Variants in TTC39B observed in about 807,000 individuals in gnomAD.
TTC39B encodes the protein tetratricopeptide repeat domain 39B, also known as tetratricopeptide repeat protein 39B.
Under a neutral mutation model 96.6 loss-of-function variants are expected in TTC39B, and 92 were observed. The ratio of observed to expected loss-of-function variants is 0.95; its 90% CI spans 0.80 to 1.13. TTC39B has a LOEUF of 1.13. TTC39B is among the 50% of genes most tolerant of loss of function. The pLI, the probability that TTC39B is intolerant of heterozygous loss-of-function variation, is 0.00. For missense variants in TTC39B, 955 were observed against 809.3 expected (o/e 1.18, Z -2.18); for synonymous variants, 367 against 299.4 (o/e 1.23, Z -2.33).
In TTC39B at chr9:15,307,179, C is replaced by A. The variant is rs573536057; in HGVS notation, c.145G>T (p.Val49Phe). 469 of 1,587,764 alleles carry A rather than the reference C, an allele frequency of 3.0e-4. 2 individuals are homozygous for A. In the East Asian group the frequency reaches 4.8e-3, roughly 16 times the overall value. The change falls in exon 1 of 20, where the codon GTC (valine) becomes TTC (phenylalanine). Residue 49 changes from valine to phenylalanine, a missense_variant. Transcript: ENST00000512701. ...AACCAAGCAGGGAACTCAGAGCCGA[C>A]TCCTGCTCTCGGCTCTGGGCTCAGC...
chr9:15,303,377 G>A (rs1824660656), intron 1 of TTC39B, among the ~76,000 whole-genome samples: 1 of 149,968 alleles, frequency 6.7e-6, no homozygotes, highest in South Asian at 2.1e-4. Flanking sequence ...TCTGAAAAGT[G>A]ATTTTTTTTT....
At chr9:15,203,797 C>G (rs538415674) in intron 7 of TTC39B, 26 bp downstream of exon 7, 1 of 1,596,812 alleles carries the variant, frequency 6.3e-7, no homozygotes, top group South Asian at 1.1e-5. Flanking sequence ...CCAGCCAATA[C>G]GAATTCCAAG....
intron 11 of TTC39B, among the ~76,000 whole-genome samples, chr9:15,190,130 T>C (rs1157634406): frequency 1.3e-5 from 2 of 152,092 alleles, no homozygotes; most frequent in Non-Finnish European, 2.9e-5. Flanking sequence ...TAGATCACCT[T>C]AATATAGAAA....
intron 8 of TTC39B, among the ~76,000 whole-genome samples, chr9:15,195,535 T>G (rs1819110130): frequency 6.6e-6 from 1 of 151,848 alleles, no homozygotes; most frequent in South Asian, 2.1e-4. Context: ...CCAGGCACGG[T>G]GGCGCACACC....
intron 2 of TTC39B, among the ~76,000 whole-genome samples, chr9:15,254,798 C>G (rs57377787): frequency 6.6e-6 from 1 of 150,528 alleles, no homozygotes; most frequent in African/African-American, 2.4e-5. Context: ...ATCCCTTAAG[C>G]CAATGGGAGA....
At chr9:15,177,546 G>GAAC (rs1175653287) in intron 18 of TTC39B, 151 bp downstream of exon 18, 1 of 548,800 alleles carries the variant, frequency 1.8e-6, no homozygotes, top group Admixed American at 3.0e-5. Context: ...TCACGAGGAA[G>GAAC]AACAACAACA....
intron 8 of TTC39B, among the ~76,000 whole-genome samples, chr9:15,196,410 C>G (rs1819171450): frequency 6.6e-6 from 1 of 152,300 alleles, no homozygotes; most frequent in South Asian, 2.1e-4. Context: ...ATTCGTGATT[C>G]ATGGAAGGAA....
At chr9:15,247,490 A>G (rs964236914) in intron 2 of TTC39B, among the ~76,000 whole-genome samples, 1 of 152,210 alleles carries the variant, frequency 6.6e-6, no homozygotes, top group Non-Finnish European at 1.5e-5. Flanking sequence ...AGTCCTGTGT[A>G]CAACTCTGAA....
At chr9:15,267,932 G>C (rs767129890) in exon 2 of TTC39B, 2 of 1,610,028 alleles carry the variant, frequency 1.2e-6, no homozygotes, top group South Asian at 2.2e-5. Context: ...GGTTTCCAAG[G>C]CATCTTCGAA....
chr9:15,280,554 G>A (rs1823722451), intron 1 of TTC39B, among the ~76,000 whole-genome samples: 3 of 152,322 alleles, frequency 2.0e-5, no homozygotes, highest in Admixed American at 2.0e-4. Flanking sequence ...AACAAAGACT[G>A]CAGAGTCCCG....
chr9:15,171,007 G>C (rs948249111), exon 20 of TTC39B: 1 of 152,098 alleles, frequency 6.6e-6, no homozygotes, highest in Non-Finnish European at 1.5e-5. Flanking sequence ...CTCCCTAAAG[G>C]TCTCCTCACT....
At chr9:15,197,565 T>C (rs1291920272) in intron 8 of TTC39B, among the ~76,000 whole-genome samples, 1 of 152,032 alleles carries the variant, frequency 6.6e-6, no homozygotes, top group Non-Finnish European at 1.5e-5. Context: ...TTAAAACATA[T>C]TTTTACACAG....
exon 20 of TTC39B, chr9:15,165,629 G>A (rs571310603): frequency 6.6e-6 from 1 of 152,338 alleles, no homozygotes; most frequent in African/African-American, 2.4e-5. Context: ...AATGGCGGAA[G>A]GCAAAGGGAA....
intron 7 of TTC39B, among the ~76,000 whole-genome samples, chr9:15,203,418 T>A (rs894315005): frequency 1.1e-5 from 1 of 91,924 alleles, no homozygotes; most frequent in African/African-American, 4.8e-5. Flanking sequence ...GCCTGGCTAA[T>A]TTTTTTTTTT....
chr9:15,287,444 G>A (rs1050734423), intron 1 of TTC39B, among the ~76,000 whole-genome samples: 2 of 152,210 alleles, frequency 1.3e-5, no homozygotes, highest in Admixed American at 6.5e-5. Context: ...CAGTTGAAAT[G>A]GAATGCTTTG....
At chr9:15,174,277 A>G (rs1817811831) in intron 19 of TTC39B, among the ~76,000 whole-genome samples, 1 of 152,178 alleles carries the variant, frequency 6.6e-6, no homozygotes, top group African/African-American at 2.4e-5. Flanking sequence ...TGTCTGACAC[A>G]TAATAGGTGC....
chr9:15,232,770 G>T (rs565676070), intron 2 of TTC39B, among the ~76,000 whole-genome samples: 11 of 152,286 alleles, frequency 7.2e-5, no homozygotes, highest in African/African-American at 2.6e-4. Flanking sequence ...TTGGGCCCTC[G>T]AAGAGAAGGA....
At chr9:15,188,911 T>C (rs1239159949) in intron 13 of TTC39B, among the ~76,000 whole-genome samples, 4 of 152,168 alleles carry the variant, frequency 2.6e-5, no homozygotes, top group Admixed American at 2.0e-4. Context: ...CAACAGTTTG[T>C]AGTGGCCAAA....
In TTC39B at chr9:15,270,358, G is replaced by A. The variant is rs573523576; in HGVS notation, c.241-2410C>T. Among the ~76,000 whole-genome samples, 4 of 152,186 alleles carry A rather than the reference G, an allele frequency of 2.6e-5. No individual in the cohort carries two copies. The South Asian group carries it at 8.3e-4, about 32-fold the overall frequency. ...TCTCCAGGAACCCAAATCTCACTAT[G>A]ATAAGCCCAGCTCATAGTCCCTCCG... On this transcript the variant is annotated intron_variant, in intron 1 of 19. Transcript: ENST00000512701.
Sources: allele counts gnomAD v4.1 joint callset (sites outside exome capture counted in the v4.1 genomes callset), GRCh38; gene constraint gnomAD v4.1.1; transcripts MANE v1.5; gene names NCBI Gene and HGNC (gene_info 2026-07-23, HGNC 2026-07-21).